Variants in EPHA6 observed in about 807,000 individuals in gnomAD.
The protein encoded by EPHA6 is ephrin type-A receptor 6.
Under a neutral mutation model 112.0 loss-of-function variants are expected in EPHA6, and 50 were observed. The ratio of observed to expected loss-of-function variants is 0.45; its 90% CI spans 0.36 to 0.56. The LOEUF is 0.56. EPHA6 is among the 20% of genes least tolerant of loss of function. EPHA6 has a pLI of 0.00. For synonymous variants in EPHA6, 529 were observed against 490.7 expected (o/e 1.08, Z -1.03); for missense variants, 1,280 against 1,417.4 (o/e 0.90, Z 1.56).
At chr3:97,162,318 T>G (rs2076433185) in intron 3 of EPHA6, among the ~76,000 whole-genome samples, 1 of 152,164 alleles carries the variant, frequency 6.6e-6, no homozygotes, top group African/African-American at 2.4e-5. Flanking sequence ...CCTTTCCCAA[T>G]GTAATAGATC....
chr3:96,920,943 A>G (rs2039726830), intron 2 of EPHA6, among the ~76,000 whole-genome samples: 1 of 152,038 alleles, frequency 6.6e-6, no homozygotes, highest in South Asian at 2.1e-4. Flanking sequence ...CCAAAATTGT[A>G]TGGATTATCA....
intron 3 of EPHA6, among the ~76,000 whole-genome samples, chr3:97,147,098 A>G (rs2076061491): frequency 6.6e-6 from 1 of 151,888 alleles, no homozygotes; most frequent in South Asian, 2.1e-4. Flanking sequence ...TTCCTCCTTT[A>G]CCTAAATTTT....
intron 1 of EPHA6, among the ~76,000 whole-genome samples, chr3:96,824,147 A>T (rs1300139239): frequency 6.7e-6 from 1 of 149,596 alleles, no homozygotes; most frequent in Non-Finnish European, 1.5e-5. Context: ...TATAATATTG[A>T]CTACTTTACG....
chr3:97,283,346 C>A (rs1446180334), intron 5 of EPHA6, among the ~76,000 whole-genome samples: 4 of 151,890 alleles, frequency 2.6e-5, no homozygotes, highest in Non-Finnish European at 4.4e-5. Flanking sequence ...ATAAATATCT[C>A]AAAAATTATG....
At chr3:97,367,059 T>C (rs2084776926) in intron 5 of EPHA6, among the ~76,000 whole-genome samples, 1 of 152,156 alleles carries the variant, frequency 6.6e-6, no homozygotes, top group Admixed American at 6.5e-5. Context: ...TTCAAAGATA[T>C]GTAGCTGATA....
chr3:96,999,068 G>T (rs939430982), intron 3 of EPHA6, among the ~76,000 whole-genome samples: 1 of 151,590 alleles, frequency 6.6e-6, no homozygotes. Context: ...ATATTTTAAG[G>T]TCCCATTCTA....
intron 6 of EPHA6, among the ~76,000 whole-genome samples, chr3:97,424,604 G>C (rs2088948468): frequency 2.0e-5 from 3 of 152,070 alleles, no homozygotes; most frequent in African/African-American, 7.2e-5. Context: ...AGGAGATCAA[G>C]ACCAGCCTGG....
chr3:96,860,267 A>G (rs775262798), intron 1 of EPHA6, among the ~76,000 whole-genome samples: 2 of 152,104 alleles, frequency 1.3e-5, no homozygotes, highest in African/African-American at 2.4e-5. Context: ...AAATTTTCCC[A>G]TCTTCAAGAA....
At chr3:97,321,436 A>G (rs753085240) in intron 5 of EPHA6, among the ~76,000 whole-genome samples, 1 of 151,972 alleles carries the variant, frequency 6.6e-6, no homozygotes, top group Non-Finnish European at 1.5e-5. Context: ...CATATATTCA[A>G]ATCAATTACT....
At chr3:97,260,067 C>A (rs2079449291) in intron 5 of EPHA6, among the ~76,000 whole-genome samples, 1 of 152,158 alleles carries the variant, frequency 6.6e-6, no homozygotes, top group African/African-American at 2.4e-5. Flanking sequence ...TCCCAAAGTG[C>A]TGGGATTACA....
At chr3:96,965,470 C>T (rs1284409907) in intron 2 of EPHA6, among the ~76,000 whole-genome samples, 1 of 152,048 alleles carries the variant, frequency 6.6e-6, no homozygotes, top group Non-Finnish European at 1.5e-5. Context: ...CAACTTACTT[C>T]TGGAAAATGT....
intron 2 of EPHA6, among the ~76,000 whole-genome samples, chr3:96,983,053 T>A (rs980465476): frequency 3.3e-5 from 5 of 152,196 alleles, no homozygotes; most frequent in African/African-American, 9.7e-5. Flanking sequence ...CCCATTTACA[T>A]TTAAGGTTAA....
chr3:97,251,389 G>A (rs868002232), intron 5 of EPHA6, among the ~76,000 whole-genome samples: 6 of 151,866 alleles, frequency 4.0e-5, no homozygotes, highest in Admixed American at 1.3e-4. Flanking sequence ...AATTAGCCGG[G>A]CGTGGTTGCA....
chr3:97,498,191 C>T (rs1286990967), intron 10 of EPHA6, among the ~76,000 whole-genome samples: 1 of 152,028 alleles, frequency 6.6e-6, no homozygotes, highest in Non-Finnish European at 1.5e-5. Context: ...ATCTATAATT[C>T]CTATGAAGAC....
intron 1 of EPHA6, among the ~76,000 whole-genome samples, chr3:96,851,801 C>T (rs1178556552): frequency 6.6e-6 from 1 of 151,880 alleles, no homozygotes; most frequent in Admixed American, 6.6e-5. Context: ...TTAGTACGGC[C>T]TGGAGTGCTG....
intron 15 of EPHA6, 107 bp from the exon 16 acceptor site, chr3:97,735,818 T>G (rs2035227720): frequency 1.2e-6 from 1 of 812,600 alleles, no homozygotes; most frequent in Non-Finnish European, 1.9e-6. Context: ...ACAAGTAGTT[T>G]TCATGCTTAC....
At chr3:97,384,313 A>G (rs1229235800) in intron 5 of EPHA6, among the ~76,000 whole-genome samples, 23 of 152,212 alleles carry the variant, frequency 1.5e-4, no homozygotes, top group Non-Finnish European at 2.9e-4. Flanking sequence ...GAAGTTACCT[A>G]AAGTGATGAT....
chr3:96,950,025 T>C (rs1291452845), intron 2 of EPHA6, among the ~76,000 whole-genome samples: 1 of 152,188 alleles, frequency 6.6e-6, no homozygotes, highest in Admixed American at 6.5e-5. Context: ...CAGTGTCTTC[T>C]AACAAATAAA....
intron 3 of EPHA6, among the ~76,000 whole-genome samples, chr3:97,170,710 C>T (rs1250319011): frequency 6.6e-6 from 1 of 151,782 alleles, no homozygotes; most frequent in Non-Finnish European, 1.5e-5. Flanking sequence ...GCCCTTCCAC[C>T]TGGGCGACAG....
Sources: gnomAD v4.1 joint callset for allele counts (sites outside exome capture counted in the v4.1 genomes callset) on GRCh38, gnomAD v4.1.1 for gene constraint, MANE v1.5 for transcripts, NCBI Gene and HGNC (gene_info 2026-07-23, HGNC 2026-07-21) for gene names.